The following SLCO1B1 variants were observed in gnomAD, a reference collection of about 807,000 sequenced individuals.
The protein encoded by SLCO1B1 is solute carrier organic anion transporter family member 1B1.
A neutral mutation model predicts 70.1 loss-of-function variants in SLCO1B1; 81 were observed. The ratio of observed to expected loss-of-function variants is 1.16; its 90% CI spans 0.97 to 1.39. The LOEUF (loss-of-function observed/expected upper bound fraction) is 1.39, where lower values mean the gene tolerates loss of function less well. Among genes scored for constraint, SLCO1B1 ranks in the 40% most tolerant of loss-of-function variants. SLCO1B1 has a pLI of 0.00. For missense variants in SLCO1B1, 895 were observed against 799.6 expected (o/e 1.12, Z -1.44); for synonymous variants, 283 against 271.5 (o/e 1.04, Z -0.42).
At chr12:21,192,042 G>A (rs189088088) in intron 7 of SLCO1B1, among the ~76,000 whole-genome samples, 3 of 152,036 alleles carry the variant, frequency 2.0e-5, no homozygotes, top group African/African-American at 7.2e-5. Flanking sequence ...TTTCTCCTCT[G>A]TCTTCATCAG....
At position 21,206,055 on chromosome 12, in the gene SLCO1B1, C is replaced by G. The variant is rs374072087; in HGVS notation, c.1497+22C>G. ...TATAGTGAGTATTAGTTTTTACTTT[C>G]CTCTCCTTATTCAAAAGCACAGATT... On this transcript the variant is annotated intron_variant, in intron 11 of 14. Coordinates refer to ENST00000256958, the MANE Select transcript of SLCO1B1 (RefSeq NM_006446.5). 5.0e-6 allele frequency: 8 copies of G among 1,595,678 alleles called. No individual in the cohort carries two copies. In the African/African-American group the frequency reaches 9.4e-5, roughly 19 times the overall value.
intron 2 of SLCO1B1, among the ~76,000 whole-genome samples, chr12:21,141,952 A>AT (rs1365769989): frequency 6.6e-6 from 1 of 151,756 alleles, no homozygotes; most frequent in African/African-American, 2.4e-5. Context: ...TAGGAATGTG[A>AT]TTAAAATAAA....
chr12:21,180,644 A>T (rs1020421756), intron 7 of SLCO1B1, among the ~76,000 whole-genome samples: 39 of 152,196 alleles, frequency 2.6e-4, no homozygotes, highest in African/African-American at 9.2e-4. Context: ...ACAGCCAAAA[A>T]CTTGAAAGTG....
Position 21,233,943 on chromosome 12 carries a change from C to T in SLCO1B1, c.1866-5036C>T, listed in dbSNP as rs117928893. Among the ~76,000 whole-genome samples, 292 of 152,272 alleles carry T rather than the reference C, an allele frequency of 1.9e-3. 11 individuals carry two copies. The East Asian group carries it at 0.049, about 25-fold the overall frequency. ...AGACCCCTAGTGTGTAACCACCTAA[C>T]GGGTTCACCTTGCCCACTGCCTAGA... On this transcript the variant is annotated intron_variant, in intron 14 of 14. Coordinates refer to ENST00000256958, the MANE Select transcript of SLCO1B1 (RefSeq NM_006446.5).
intron 12 of SLCO1B1, 86 bp from the exon 13 acceptor site, chr12:21,222,214 A>G: frequency 1.8e-6 from 1 of 548,546 alleles, no homozygotes; most frequent in Non-Finnish European, 3.2e-6. Flanking sequence ...TATCATGGAG[A>G]AAAACAACAC....
intron 14 of SLCO1B1, among the ~76,000 whole-genome samples, chr12:21,234,260 T>A (rs1941573543): frequency 6.6e-6 from 1 of 152,122 alleles, no homozygotes; most frequent in Non-Finnish European, 1.5e-5. Context: ...GGCCAGTTTA[T>A]CAATCTGGGT....
chr12:21,144,461 G>GA (rs1940355479), intron 2 of SLCO1B1, among the ~76,000 whole-genome samples: 1 of 152,086 alleles, frequency 6.6e-6, no homozygotes, highest in South Asian at 2.1e-4. Flanking sequence ...TGAAAGAGGA[G>GA]AAAGAGTAAG....
At chr12:21,140,985 T>C (rs1314384284) in intron 1 of SLCO1B1, among the ~76,000 whole-genome samples, 2 of 151,976 alleles carry the variant, frequency 1.3e-5, no homozygotes, top group African/African-American at 4.8e-5. Context: ...CTTTGCTCTT[T>C]TTAACAAATC....
intron 1 of SLCO1B1, among the ~76,000 whole-genome samples, chr12:21,133,654 A>G (rs887763805): frequency 6.6e-5 from 10 of 152,076 alleles, no homozygotes; most frequent in African/African-American, 2.2e-4. Flanking sequence ...GGTGTATAAG[A>G]ATGCTTGTGA....
chr12:21,138,648 A>G, intron 1 of SLCO1B1, among the ~76,000 whole-genome samples: 1 of 152,200 alleles, frequency 6.6e-6, no homozygotes. Flanking sequence ...AGTAGGGGAA[A>G]TACAAAGAAA....
rs765114418 is a variant in SLCO1B1, at chr12:21,202,478, CT to C, written c.1136-5del. On this transcript the variant is annotated splice_polypyrimidine_tract_variant and intron_variant, in intron 9 of 14. Transcript: ENST00000256958. Reference sequence around the variant, plus strand: ...CTCATATATGATTACAACTTTTTTTCTTTTTTTTCTAGGAGTCATAACCATA... The same window carrying C: ...CTCATATATGATTACAACTTTTTTTCTTTTTTTCTAGGAGTCATAACCATA... The C allele has an allele frequency of 3.2e-6, 5 of 1,548,618 alleles. No individual in the cohort carries two copies. Among genetic ancestry groups the C allele is most frequent in the South Asian group, 1.2e-5 (1 of 85,318 alleles).
At chr12:21,169,670 A>G (rs1940733734) in intron 2 of SLCO1B1, among the ~76,000 whole-genome samples, 1 of 151,818 alleles carries the variant, frequency 6.6e-6, no homozygotes, top group Non-Finnish European at 1.5e-5. Context: ...TCATTGCACT[A>G]CTTGACTAAT....
chr12:21,188,017 A>C (rs1403161040), intron 7 of SLCO1B1, among the ~76,000 whole-genome samples: 2 of 152,168 alleles, frequency 1.3e-5, no homozygotes, highest in African/African-American at 4.8e-5. Flanking sequence ...CTGATAATTC[A>C]AGACTGTTTT....
intron 7 of SLCO1B1, among the ~76,000 whole-genome samples, chr12:21,187,452 A>G (rs1940975760): frequency 6.6e-6 from 1 of 152,122 alleles, no homozygotes; most frequent in Non-Finnish European, 1.5e-5. Flanking sequence ...TAGAAAGCCC[A>G]TAAGTTCAAC....
chr12:21,159,706 G>T (rs961738706), intron 2 of SLCO1B1, among the ~76,000 whole-genome samples: 31 of 152,014 alleles, frequency 2.0e-4, no homozygotes, highest in African/African-American at 7.2e-4. Flanking sequence ...ATCCCTGTTT[G>T]CAGGTGACAT....
At chr12:21,134,641 C>G (rs1940191410) in intron 1 of SLCO1B1, among the ~76,000 whole-genome samples, 1 of 152,186 alleles carries the variant, frequency 6.6e-6, no homozygotes, top group African/African-American at 2.4e-5. Context: ...ATAGTATTCT[C>G]TGATGGTAGT....
chr12:21,132,233 C>T (rs577048393), intron 1 of SLCO1B1, among the ~76,000 whole-genome samples: 16 of 152,170 alleles, frequency 1.1e-4, no homozygotes, highest in Non-Finnish European at 2.2e-4. Flanking sequence ...TCCACTCTAT[C>T]GTTGTTGGAC....
In SLCO1B1 at chr12:21,239,025, G is replaced by C. The variant is rs762356579; in HGVS notation, c.1912G>C (p.Val638Leu). ...TTCAATGTTAAGAGTCTCATCACTT[G>C]TTTTATATATTATATTAATTTATGC... ...LSSMLRVSSL[V>L]LYIILIYAMK... The change falls in exon 15 of 15, where the codon GTT becomes CTT. Residue 638 changes from valine to leucine, a missense_variant. Coordinates refer to ENST00000256958, the MANE Select transcript of SLCO1B1 (RefSeq NM_006446.5). 94 of 1,588,918 alleles carry C rather than the reference G, an allele frequency of 5.9e-5. No homozygotes were observed. Among genetic ancestry groups the C allele is most frequent in the Non-Finnish European group, 8.1e-5 (94 of 1,159,704 alleles).
chr12:21,185,216 A>T (rs933593626), intron 7 of SLCO1B1, among the ~76,000 whole-genome samples: 1 of 152,118 alleles, frequency 6.6e-6, no homozygotes. Context: ...GCAGAAAATT[A>T]AAATGTAAAT....
Sources: gnomAD v4.1 joint callset for allele counts (sites outside exome capture counted in the v4.1 genomes callset) on GRCh38, gnomAD v4.1.1 for gene constraint, MANE v1.5 for transcripts, NCBI Gene and HGNC (gene_info 2026-07-23, HGNC 2026-07-21) for gene names.